The following EDC3 variants were observed in gnomAD, a reference collection of about 807,000 sequenced individuals.
EDC3 encodes enhancer of mRNA-decapping protein 3.
EDC3 carries 20 observed loss-of-function variants against 41.8 expected under a neutral mutation model. The observed-to-expected ratio is 0.48, with a 90% CI of 0.34 to 0.70. The LOEUF is 0.70. Ranked by LOEUF, EDC3 falls within the 30% of genes least tolerant of loss-of-function variation. The probability of loss-of-function intolerance (pLI) is 0.01; values close to 1 mark genes in which losing one functional copy is unlikely to be tolerated. For missense variants in EDC3, 444 were observed against 636.8 expected (o/e 0.70, Z 3.26); for synonymous variants, 206 against 243.2 (o/e 0.85, Z 1.42).
intron 4 of EDC3, chr15:74,643,763 T>G (rs1218882778): frequency 6.6e-6 from 1 of 152,224 alleles, no homozygotes; most frequent in Non-Finnish European, 1.5e-5. Context: ...CTTTCTGTTG[T>G]GTAACAAAGA....
intron 1 of EDC3, among the ~76,000 whole-genome samples, chr15:74,691,006 G>A (rs1329912161): frequency 6.6e-6 from 1 of 152,058 alleles, no homozygotes; most frequent in Non-Finnish European, 1.5e-5. Context: ...GCCAGCCTGG[G>A]CAACATGGCA....
chr15:74,668,782 T>C (rs914719296), intron 3 of EDC3, among the ~76,000 whole-genome samples: 3 of 112,582 alleles, frequency 2.7e-5, no homozygotes, highest in African/African-American at 1.2e-4. Context: ...AAAGTCTAAA[T>C]GGAAAGAATC....
intron 1 of EDC3, among the ~76,000 whole-genome samples, chr15:74,678,055 T>C (rs944516690): frequency 5.0e-5 from 6 of 118,856 alleles, no homozygotes; most frequent in African/African-American, 2.0e-4. Context: ...GGCAAAACTA[T>C]GGAGACAGTA....
intron 4 of EDC3, chr15:74,643,891 CA>C (rs985517752): frequency 6.6e-6 from 1 of 152,188 alleles, no homozygotes; most frequent in Admixed American, 6.5e-5. Context: ...CATTTACAGG[CA>C]TGGGATTTCT....
intron 5 of EDC3, chr15:74,637,335 G>A (rs2062286304): frequency 6.6e-6 from 1 of 152,214 alleles, no homozygotes; most frequent in Admixed American, 6.5e-5. Context: ...ATTTGGTAAG[G>A]ACATTCAGCT....
At chr15:74,641,463 A>C (rs2062350791) in intron 4 of EDC3, 1 of 152,746 alleles carries the variant, frequency 6.5e-6, no homozygotes, top group Non-Finnish European at 1.5e-5. Context: ...CACCAGTGTC[A>C]ACATACCAGG....
At chr15:74,633,031 G>A in intron 6 of EDC3, 85 bp from the exon 7 acceptor site, 1 of 1,400,090 alleles carries the variant, frequency 7.1e-7, no homozygotes, top group East Asian at 2.4e-5. Flanking sequence ...CACCCCAAGG[G>A]TGTCTTTGTT....
chr15:74,690,399 G>A (rs1219296380), intron 1 of EDC3, among the ~76,000 whole-genome samples: 1 of 131,242 alleles, frequency 7.6e-6, no homozygotes, highest in East Asian at 2.8e-4. Flanking sequence ...TATTACTAAG[G>A]CAGCGCCCAA....
intron 1 of EDC3, among the ~76,000 whole-genome samples, chr15:74,694,253 C>T (rs914885348): frequency 1.3e-5 from 2 of 152,130 alleles, no homozygotes; most frequent in African/African-American, 4.8e-5. Context: ...GCTATGTTGC[C>T]CAGGCTGGCC....
intron 3 of EDC3, among the ~76,000 whole-genome samples, chr15:74,663,411 C>A (rs372659309): frequency 9.9e-5 from 15 of 152,118 alleles, no homozygotes; most frequent in African/African-American, 3.6e-4. Context: ...CACTGAACAC[C>A]AATATGAATG....
chr15:74,657,395 G>C (rs1162811432), intron 3 of EDC3, among the ~76,000 whole-genome samples: 1 of 152,240 alleles, frequency 6.6e-6, no homozygotes, highest in Non-Finnish European at 1.5e-5. Context: ...AGTGGAGTTT[G>C]ATCCCACTGG....
At chr15:74,677,092 T>A (rs1399805719) in intron 1 of EDC3, 1 of 152,068 alleles carries the variant, frequency 6.6e-6, no homozygotes, top group Non-Finnish European at 1.5e-5. Context: ...AGATGGAGTC[T>A]TACTCTGCCG....
chr15:74,689,681 C>T (rs1340257309), intron 1 of EDC3, among the ~76,000 whole-genome samples: 6 of 152,184 alleles, frequency 3.9e-5, no homozygotes, highest in Admixed American at 2.0e-4. Flanking sequence ...CCCGCCACCG[C>T]GCCCGGCTAA....
chr15:74,677,866 G>C (rs895947277), intron 1 of EDC3, among the ~76,000 whole-genome samples: 1 of 152,072 alleles, frequency 6.6e-6, no homozygotes, highest in African/African-American at 2.4e-5. Flanking sequence ...TAGGTGAATG[G>C]ATGAATGAAC....
intron 1 of EDC3, among the ~76,000 whole-genome samples, chr15:74,677,951 A>G (rs973458489): frequency 2.0e-5 from 3 of 152,206 alleles, no homozygotes; most frequent in Non-Finnish European, 2.9e-5. Flanking sequence ...AAAGACATGG[A>G]GGAAACTGAA....
chr15:74,661,757 A>T (rs1382401651), intron 3 of EDC3, among the ~76,000 whole-genome samples: 3 of 151,528 alleles, frequency 2.0e-5, no homozygotes, highest in Non-Finnish European at 4.4e-5. Flanking sequence ...AAAGAAAAAG[A>T]AAAAGAAAAA....
At chr15:74,657,008 A>G (rs2062557473) in intron 3 of EDC3, among the ~76,000 whole-genome samples, 1 of 152,230 alleles carries the variant, frequency 6.6e-6, no homozygotes, top group African/African-American at 2.4e-5. Context: ...CACATAAATA[A>G]AAATAAAATC....
chr15:74,635,166 C>T, intron 6 of EDC3: 1 of 683,644 alleles, frequency 1.5e-6, no homozygotes, highest in South Asian at 1.5e-5. Flanking sequence ...AGGAAGAGTG[C>T]CTGTTCAACG....
intron 3 of EDC3, among the ~76,000 whole-genome samples, chr15:74,660,328 C>T (rs1411655143): frequency 6.6e-6 from 1 of 151,798 alleles, no homozygotes; most frequent in African/African-American, 2.4e-5. Flanking sequence ...CGCTGGAACC[C>T]AGGAGGTGGA....
Sources: gnomAD v4.1 joint callset for allele counts (sites outside exome capture counted in the v4.1 genomes callset) on GRCh38, gnomAD v4.1.1 for gene constraint, MANE v1.5 for transcripts, NCBI Gene and HGNC (gene_info 2026-07-23, HGNC 2026-07-21) for gene names.